Variants in RAPGEF4 observed in about 807,000 individuals in gnomAD.
RAPGEF4 encodes the protein Rap guanine nucleotide exchange factor 4.
A neutral mutation model predicts 147.9 loss-of-function variants in RAPGEF4; 66 were observed. That is an observed-to-expected ratio of 0.45 (90% confidence interval 0.37 to 0.55). RAPGEF4 has a LOEUF of 0.55. RAPGEF4 is among the 20% of genes least tolerant of loss of function. The pLI is 0.00. For synonymous variants in RAPGEF4, 419 were observed against 442.7 expected (o/e 0.95, Z 0.67); for missense variants, 1,071 against 1,257.3 (o/e 0.85, Z 2.24).
chr2:172,834,340 T>C (rs912304754), intron 4 of RAPGEF4, among the ~76,000 whole-genome samples: 1 of 152,142 alleles, frequency 6.6e-6, no homozygotes, highest in Non-Finnish European at 1.5e-5. Context: ...TAATCATGTG[T>C]GGAAAATAGC....
At chr2:172,777,261 A>G (rs767081379) in intron 1 of RAPGEF4, among the ~76,000 whole-genome samples, 2 of 152,120 alleles carry the variant, frequency 1.3e-5, no homozygotes, top group Non-Finnish European at 2.9e-5. Flanking sequence ...CAAAATAACA[A>G]ATAAAAAAGG....
intron 26 of RAPGEF4, among the ~76,000 whole-genome samples, chr2:173,031,891 C>G (rs976509606): frequency 6.6e-6 from 1 of 152,054 alleles, no homozygotes; most frequent in South Asian, 2.1e-4. Context: ...ACCTTTGATT[C>G]TAGTTTATGT....
At chr2:172,951,647 T>C (rs1033407610) in intron 6 of RAPGEF4, among the ~76,000 whole-genome samples, 1 of 152,060 alleles carries the variant, frequency 6.6e-6, no homozygotes, top group Non-Finnish European at 1.5e-5. Context: ...GTGTGAGCCA[T>C]GGGGCTGTCT....
At chr2:172,965,195 G>A in intron 8 of RAPGEF4, 1 of 240,902 alleles carries the variant, frequency 4.2e-6, no homozygotes, top group Non-Finnish European at 8.1e-6. Flanking sequence ...TATGTATTTT[G>A]CTTTGCCTCC....
chr2:172,940,335 C>T (rs999950175), intron 6 of RAPGEF4, among the ~76,000 whole-genome samples: 1 of 152,058 alleles, frequency 6.6e-6, no homozygotes, highest in Non-Finnish European at 1.5e-5. Flanking sequence ...GCCCAAATCT[C>T]ATGTTGAATT....
intron 1 of RAPGEF4, among the ~76,000 whole-genome samples, chr2:172,743,783 A>C (rs1017052933): frequency 6.6e-6 from 1 of 151,956 alleles, no homozygotes; most frequent in South Asian, 2.1e-4. Context: ...TGGAGTTACT[A>C]CCCGAGGCCC....
intron 1 of RAPGEF4, among the ~76,000 whole-genome samples, chr2:172,754,925 C>T (rs1219823407): frequency 6.6e-6 from 1 of 152,110 alleles, no homozygotes; most frequent in Non-Finnish European, 1.5e-5. Flanking sequence ...CACCTGTAGT[C>T]CCAGCTAATC....
intron 1 of RAPGEF4, among the ~76,000 whole-genome samples, chr2:172,782,592 C>T (rs1336607713): frequency 6.6e-6 from 1 of 152,136 alleles, no homozygotes; most frequent in Non-Finnish European, 1.5e-5. Context: ...TTGAGTGTAG[C>T]ACTAAGTACT....
At chr2:172,763,271 A>T (rs1405488026) in intron 1 of RAPGEF4, among the ~76,000 whole-genome samples, 1 of 152,194 alleles carries the variant, frequency 6.6e-6, no homozygotes, top group Admixed American at 6.5e-5. Context: ...ATTCAAAAGA[A>T]TTTTTATAAA....
At chr2:172,918,358 T>G (rs1328081332) in intron 5 of RAPGEF4, among the ~76,000 whole-genome samples, 1 of 119,946 alleles carries the variant, frequency 8.3e-6, no homozygotes, top group African/African-American at 3.2e-5. Context: ...TTTGTGAACT[T>G]TAGATGCTCT....
At chr2:172,789,930 G>A (rs1477599515) in intron 1 of RAPGEF4, among the ~76,000 whole-genome samples, 1 of 152,214 alleles carries the variant, frequency 6.6e-6, no homozygotes, top group Non-Finnish European at 1.5e-5. Context: ...ACATGGAAGT[G>A]TGAATATCTC....
intron 4 of RAPGEF4, among the ~76,000 whole-genome samples, chr2:172,869,802 A>C (rs1695018053): frequency 6.6e-6 from 1 of 152,202 alleles, no homozygotes; most frequent in African/African-American, 2.4e-5. Flanking sequence ...ATTGTATGTC[A>C]TATCTAAAAG....
At chr2:172,885,153 G>T (rs1036199334) in intron 4 of RAPGEF4, among the ~76,000 whole-genome samples, 3 of 152,238 alleles carry the variant, frequency 2.0e-5, no homozygotes, top group African/African-American at 7.2e-5. Flanking sequence ...TTGACCATGA[G>T]GGCTGAATGC....
chr2:173,035,159 A>G (rs895544714), intron 27 of RAPGEF4, among the ~76,000 whole-genome samples: 11 of 151,798 alleles, frequency 7.2e-5, no homozygotes, highest in Non-Finnish European at 1.5e-4. Context: ...GGCTCAAGCA[A>G]TCCCCCGACC....
rs114392451 is a variant in RAPGEF4, at chr2:172,790,578, G to A, written c.66-4447G>A. On this transcript the variant is annotated intron_variant, in intron 1 of 30. Coordinates refer to ENST00000397081, the MANE Select transcript of RAPGEF4 (RefSeq NM_007023.4). ...TGCAAGAACTTCCTAACTTCCTCTT[G>A]GCTGTTGATCTTGACTGTCTCCCAT... is the stretch of plus-strand genomic sequence containing the variant. Among the ~76,000 whole-genome samples, 682 of 152,168 alleles carry A rather than the reference G, an allele frequency of 4.5e-3. 2 individuals carry two copies. Among genetic ancestry groups the A allele is most frequent in the Non-Finnish European group, 6.0e-3 (411 of 68,018 alleles).
intron 4 of RAPGEF4, among the ~76,000 whole-genome samples, chr2:172,887,579 T>A (rs1559098790): frequency 6.6e-6 from 1 of 152,208 alleles, no homozygotes; most frequent in Non-Finnish European, 1.5e-5. Context: ...CGTTTATGCT[T>A]GCTTTAGTGT....
Position 173,030,928 on chromosome 2 carries a change from T to C in RAPGEF4, c.2649+674T>C, listed in dbSNP as rs1414185377. The stretch of plus-strand genomic sequence containing the variant: ...TATTAGCTTTGTACTCAAAATGTGC[T>C]TGACCTCTTACACGTGGCATATAGT... On this transcript the variant is annotated intron_variant, in intron 26 of 30. Transcript: ENST00000397081. Among the ~76,000 whole-genome samples, 3 of 152,346 alleles carry C rather than the reference T, an allele frequency of 2.0e-5. No individual in the cohort carries two copies. In the East Asian group the frequency reaches 5.8e-4, roughly 29 times the overall value.
At chr2:172,904,271 C>A (rs533463731) in intron 4 of RAPGEF4, among the ~76,000 whole-genome samples, 1 of 152,142 alleles carries the variant, frequency 6.6e-6, no homozygotes, top group African/African-American at 2.4e-5. Context: ...TGTTGTCAGT[C>A]AACTGTTTCT....
intron 4 of RAPGEF4, among the ~76,000 whole-genome samples, chr2:172,860,786 T>C (rs1693954362): frequency 6.6e-6 from 1 of 152,196 alleles, no homozygotes; most frequent in Non-Finnish European, 1.5e-5. Context: ...GGGATGTTTG[T>C]ATTGTTTCAT....
Sources: gnomAD v4.1 joint callset for allele counts (sites outside exome capture counted in the v4.1 genomes callset) on GRCh38, gnomAD v4.1.1 for gene constraint, MANE v1.5 for transcripts, NCBI Gene and HGNC (gene_info 2026-07-23, HGNC 2026-07-21) for gene names.